Variants in FNDC3B observed in about 807,000 individuals in gnomAD.
FNDC3B encodes the protein fibronectin type III domain containing 3B, also known as fibronectin type III domain-containing protein 3B.
FNDC3B carries 12 observed loss-of-function variants against 151.5 expected under a neutral mutation model. The ratio of observed to expected loss-of-function variants is 0.08; its 90% confidence interval spans 0.05 to 0.13. The LOEUF is 0.13. Among genes scored for constraint, FNDC3B ranks in the 10% least tolerant of loss-of-function variants. The probability of loss-of-function intolerance (pLI) is 1.00; values close to 1 mark genes in which losing one functional copy is unlikely to be tolerated. For missense variants in FNDC3B, 1,214 were observed against 1,505.3 expected (o/e 0.81, Z 3.20); for synonymous variants, 528 against 549.0 (o/e 0.96, Z 0.54).
At chr3:172,101,508 T>A (rs1719380448) in intron 1 of FNDC3B, among the ~76,000 whole-genome samples, 1 of 152,240 alleles carries the variant, frequency 6.6e-6, no homozygotes, top group African/African-American at 2.4e-5. Context: ...TTTCAAGTTC[T>A]TTTGTTTGAT....
chr3:172,095,524 A>T (rs1719052011), intron 1 of FNDC3B, among the ~76,000 whole-genome samples: 1 of 152,214 alleles, frequency 6.6e-6, no homozygotes, highest in African/African-American at 2.4e-5. Flanking sequence ...GTACTCATAG[A>T]GAGGGGTTTT....
At chr3:172,300,980 C>T (rs1225547827) in intron 9 of FNDC3B, among the ~76,000 whole-genome samples, 1 of 152,162 alleles carries the variant, frequency 6.6e-6, no homozygotes, top group Non-Finnish European at 1.5e-5. Context: ...GATGTAGCTT[C>T]CTCTGCCTTG....
intron 1 of FNDC3B, among the ~76,000 whole-genome samples, chr3:172,100,805 G>T (rs1158311731): frequency 1.3e-5 from 2 of 152,136 alleles, no homozygotes; most frequent in East Asian, 3.8e-4. Flanking sequence ...GAAATAACTT[G>T]CCTTTAGTTA....
chr3:172,167,474 G>T (rs1263912412), intron 3 of FNDC3B, among the ~76,000 whole-genome samples: 1 of 152,210 alleles, frequency 6.6e-6, no homozygotes, highest in Non-Finnish European at 1.5e-5. Flanking sequence ...ATAAACCATG[G>T]TGCCCTGGCA....
At position 172,159,557 on chromosome 3, in the gene FNDC3B, C is replaced by T. The variant is rs144480106; in HGVS notation, c.187+26011C>T. On this transcript the variant is annotated intron_variant, in intron 3 of 25. Transcript: ENST00000415807. ...TTTAGGAGCTTTGGGTCATCTCCAA[C>T]TTATTCTGAGAAAATCAGTAGGAAA... Among the ~76,000 whole-genome samples, 697 of 152,326 alleles carry T rather than the reference C, an allele frequency of 4.6e-3. 2 individuals are homozygous for T. The highest frequency in any genetic ancestry group is 6.0e-3 in the Non-Finnish European group (409 of 68,034).
intron 3 of FNDC3B, among the ~76,000 whole-genome samples, chr3:172,223,876 A>T (rs569902245): frequency 1.3e-5 from 2 of 152,390 alleles, no homozygotes; most frequent in South Asian, 4.1e-4. Flanking sequence ...TTGATGAGTG[A>T]TTATTGTGCC....
At chr3:172,230,334 A>T (rs1414604541) in intron 4 of FNDC3B, among the ~76,000 whole-genome samples, 8 of 129,754 alleles carry the variant, frequency 6.2e-5, no homozygotes, top group African/African-American at 1.9e-4. Flanking sequence ...CTTTACTAAA[A>T]ATACAAAAAA....
intron 6 of FNDC3B, among the ~76,000 whole-genome samples, chr3:172,262,091 CA>C (rs1728675305): frequency 6.6e-6 from 1 of 151,954 alleles, no homozygotes; most frequent in Non-Finnish European, 1.5e-5. Flanking sequence ...GTGGTAAGAA[CA>C]GGAAAACAAG....
intron 1 of FNDC3B, among the ~76,000 whole-genome samples, chr3:172,060,143 G>C (rs1199309676): frequency 1.3e-5 from 2 of 152,206 alleles, no homozygotes; most frequent in Non-Finnish European, 2.9e-5. Context: ...AACCCTCATA[G>C]TCAGTGGGGC....
chr3:172,269,145 C>T (rs1729061986), intron 6 of FNDC3B, among the ~76,000 whole-genome samples: 1 of 152,188 alleles, frequency 6.6e-6, no homozygotes, highest in Non-Finnish European at 1.5e-5. Flanking sequence ...ATAGTATGTT[C>T]CTGGTCAGCA....
Position 172,397,267 on chromosome 3 carries a change from A to G in FNDC3B, c.3407A>G (p.Gln1136Arg). The G allele has an allele frequency of 6.2e-7, 1 of 1,614,224 alleles. No homozygotes were observed. The highest frequency in any genetic ancestry group is 8.5e-7 in the Non-Finnish European group (1 of 1,180,024). ...TGTCGTCGCTGTTTAGACACCTCTC[A>G]GGAGCTAAGCGGAGCCTTCAGCCCC... ...CACRRCLDTS[Q>R]ELSGAFSPSA... Residue 1136 changes from glutamine (Q) to arginine (R), a missense_variant, in exon 26 of 26, where the codon CAG (glutamine) becomes CGG (arginine). Physicochemically the swap from Gln to Arg is conservative, Grantham distance 43. Transcript: ENST00000415807.
At chr3:172,190,955 C>T (rs1331455884) in intron 3 of FNDC3B, among the ~76,000 whole-genome samples, 1 of 152,220 alleles carries the variant, frequency 6.6e-6, no homozygotes, top group East Asian at 1.9e-4. Context: ...AGGCGTGAGC[C>T]ACCATGCCCA....
intron 2 of FNDC3B, among the ~76,000 whole-genome samples, chr3:172,130,636 A>C (rs143209628): frequency 6.6e-6 from 1 of 152,338 alleles, no homozygotes; most frequent in South Asian, 2.1e-4. Context: ...CTTTTTGTGC[A>C]ATATGATAAG....
At chr3:172,390,656 G>C (rs756619143) in intron 25 of FNDC3B, among the ~76,000 whole-genome samples, 20 of 151,564 alleles carry the variant, frequency 1.3e-4, no homozygotes, top group Non-Finnish European at 2.2e-4. Flanking sequence ...GGAAACTGTA[G>C]AAATAATTAA....
chr3:172,158,783 A>G (rs890600670), intron 3 of FNDC3B, among the ~76,000 whole-genome samples: 2 of 152,102 alleles, frequency 1.3e-5, no homozygotes, highest in African/African-American at 2.4e-5. Context: ...ATGGAAGTCT[A>G]TGATTAATTG....
intron 2 of FNDC3B, chr3:172,127,026 A>G (rs1720838697): frequency 2.2e-6 from 1 of 456,632 alleles, no homozygotes; most frequent in African/African-American, 2.0e-5. Context: ...AGGAGAGCCC[A>G]AATGTTTACC....
chr3:172,128,097 T>C (rs1483021156), intron 2 of FNDC3B, among the ~76,000 whole-genome samples: 1 of 152,058 alleles, frequency 6.6e-6, no homozygotes. Context: ...ATCCTACGGG[T>C]TGTGTTGAGC....
chr3:172,271,951 A>G (rs367772377), intron 6 of FNDC3B, among the ~76,000 whole-genome samples: 2 of 152,204 alleles, frequency 1.3e-5, no homozygotes, highest in African/African-American at 4.8e-5. Context: ...AGCCTAAGAT[A>G]TGGTCTTGTT....
At chr3:172,242,978 A>G (rs1727577140) in intron 4 of FNDC3B, among the ~76,000 whole-genome samples, 1 of 152,162 alleles carries the variant, frequency 6.6e-6, no homozygotes, top group Non-Finnish European at 1.5e-5. Flanking sequence ...GATACCCTAA[A>G]TCATCTCTTT....
Sources: allele counts gnomAD v4.1 joint callset (sites outside exome capture counted in the v4.1 genomes callset), GRCh38; gene constraint gnomAD v4.1.1; transcripts MANE v1.5; gene names NCBI Gene and HGNC (gene_info 2026-07-23, HGNC 2026-07-21).